Variants in SLC6A2 observed in about 807,000 individuals in gnomAD.
SLC6A2 encodes the protein sodium-dependent noradrenaline transporter.
A neutral mutation model predicts 71.7 loss-of-function variants in SLC6A2; 26 were observed. That is an observed-to-expected ratio of 0.36 (90% confidence interval 0.27 to 0.50). The LOEUF is 0.50. SLC6A2 is among the 20% of genes least tolerant of loss of function. SLC6A2 has a pLI of 0.96. For missense variants in SLC6A2, 581 were observed against 803.9 expected (o/e 0.72, Z 3.35); for synonymous variants, 363 against 337.9 (o/e 1.07, Z -0.82).
At chr16:55,668,506 C>T (rs1361887312) in intron 2 of SLC6A2, among the ~76,000 whole-genome samples, 1 of 152,138 alleles carries the variant, frequency 6.6e-6, no homozygotes, top group Non-Finnish European at 1.5e-5. Flanking sequence ...TAGCTAAAGG[C>T]CAGTGGTAAC....
intron 2 of SLC6A2, among the ~76,000 whole-genome samples, chr16:55,665,460 G>A (rs1203086640): frequency 6.6e-6 from 1 of 152,146 alleles, no homozygotes; most frequent in Non-Finnish European, 1.5e-5. Context: ...ACAGCCTGTA[G>A]CTGAGCTGTG....
Position 55,700,250 on chromosome 16 carries a change from C to T in SLC6A2, c.1702C>T (p.Leu568=). The T allele has an allele frequency of 1.9e-6, 3 of 1,614,078 alleles. No homozygotes were observed. Among genetic ancestry groups the T allele is most frequent in the African/African-American group, 1.3e-5 (1 of 75,016 alleles). ...GGGCATCGCCCTGTCCTCCATGGTC[C>T]TGGTGCCCATCTACGTCATCTATAA... ...GWGIALSSMV[L]VPIYVIYKFL... is the part of the protein sequence containing the mutation. Residue 568 remains leucine, a synonymous_variant, in exon 13 of 15, where the codon CTG becomes TTG. Transcript: ENST00000568943.
At chr16:55,678,738 A>T (rs1486864193) in intron 4 of SLC6A2, among the ~76,000 whole-genome samples, 4 of 152,224 alleles carry the variant, frequency 2.6e-5, no homozygotes, top group African/African-American at 9.6e-5. Flanking sequence ...CAAGTGAGAA[A>T]TTGAGCTTTT....
chr16:55,674,957 A>G (rs1965039271), intron 4 of SLC6A2, among the ~76,000 whole-genome samples: 1 of 152,162 alleles, frequency 6.6e-6, no homozygotes, highest in South Asian at 2.1e-4. Context: ...TAACTAATTT[A>G]CATTCCCACC....
chr16:55,692,349 G>A (rs1253921250), intron 6 of SLC6A2, among the ~76,000 whole-genome samples: 5 of 152,102 alleles, frequency 3.3e-5, no homozygotes, highest in African/African-American at 1.2e-4. Context: ...TGATGTCTTG[G>A]GACCTTGCTC....
intron 7 of SLC6A2, among the ~76,000 whole-genome samples, chr16:55,694,937 A>G (rs1965748018): frequency 6.6e-6 from 1 of 152,170 alleles, no homozygotes; most frequent in Admixed American, 6.5e-5. Flanking sequence ...GAAGATAAAT[A>G]TATAAGGAAG....
intron 5 of SLC6A2, among the ~76,000 whole-genome samples, chr16:55,689,536 C>T (rs145705719): frequency 2.0e-5 from 3 of 152,220 alleles, no homozygotes; most frequent in Non-Finnish European, 4.4e-5. Flanking sequence ...AGTGTAGTCT[C>T]ACCTGATTTG....
intron 4 of SLC6A2, among the ~76,000 whole-genome samples, chr16:55,681,399 T>G (rs1452659477): frequency 6.6e-6 from 1 of 152,128 alleles, no homozygotes; most frequent in East Asian, 1.9e-4. Context: ...AGAGCAGAGG[T>G]GCAGAGAGAG....
At chr16:55,672,475 G>C (rs1369412982) in intron 4 of SLC6A2, among the ~76,000 whole-genome samples, 1 of 152,186 alleles carries the variant, frequency 6.6e-6, no homozygotes, top group Non-Finnish European at 1.5e-5. Flanking sequence ...ACACTTTCTG[G>C]GGTATGTAAC....
intron 6 of SLC6A2, 44 bp downstream of exon 6, chr16:55,692,096 A>T (rs1965652332): frequency 6.2e-7 from 1 of 1,610,534 alleles, no homozygotes; most frequent in African/African-American, 1.3e-5. Context: ...GGCTTGTGGG[A>T]GGGTTTTCAG....
intron 3 of SLC6A2, among the ~76,000 whole-genome samples, chr16:55,671,405 CA>C (rs1964906575): frequency 6.6e-6 from 1 of 152,176 alleles, no homozygotes; most frequent in African/African-American, 2.4e-5. Context: ...AGCTCTCGGG[CA>C]AAGAGATGGC....
At chr16:55,661,859 C>A (rs1190077887) in intron 2 of SLC6A2, among the ~76,000 whole-genome samples, 5 of 152,226 alleles carry the variant, frequency 3.3e-5, no homozygotes, top group Non-Finnish European at 7.3e-5. Flanking sequence ...GACCCCCAGC[C>A]CTTTGGGAGC....
chr16:55,673,031 T>C (rs1254622789), intron 4 of SLC6A2, among the ~76,000 whole-genome samples: 1 of 152,236 alleles, frequency 6.6e-6, no homozygotes, highest in Non-Finnish European at 1.5e-5. Flanking sequence ...CAGACCTTAC[T>C]TGAATTTCAC....
At chr16:55,692,771 C>A (rs1306773333) in intron 6 of SLC6A2, among the ~76,000 whole-genome samples, 2 of 152,202 alleles carry the variant, frequency 1.3e-5, no homozygotes, top group Non-Finnish European at 2.9e-5. Flanking sequence ...ATAATCCTGG[C>A]AGGCCCCAGC....
chr16:55,662,758 A>G (rs1170351730), intron 2 of SLC6A2, among the ~76,000 whole-genome samples: 2 of 152,000 alleles, frequency 1.3e-5, no homozygotes, highest in African/African-American at 4.8e-5. Context: ...TTCCACCCCC[A>G]TTTTTCTACT....
chr16:55,702,142 G>A (rs527817670), intron 14 of SLC6A2, among the ~76,000 whole-genome samples, 181 bp from the exon 15 acceptor site: 1 of 152,346 alleles, frequency 6.6e-6, no homozygotes, highest in African/African-American at 2.4e-5. Context: ...CTTTGGGGAG[G>A]TTCTGCTGCC....
At chr16:55,657,127 A>G (rs1596936600) in intron 2 of SLC6A2, among the ~76,000 whole-genome samples, 159 bp downstream of exon 2, 2 of 148,284 alleles carry the variant, frequency 1.3e-5, no homozygotes, top group Admixed American at 1.3e-4. Context: ...AAAAAAAAAG[A>G]TTGGAGTCCT....
Position 55,693,902 on chromosome 16 carries a change from T to A in SLC6A2, c.919-108T>A. On this transcript the variant is annotated intron_variant, in intron 6 of 14. Transcript: ENST00000568943. ...TGCCCATCTCTGGTTCAGACCATGTTTCCTCTGGTCTCAGAGCATCCCCAG... is the reference window on the plus strand; with the variant it reads ...TGCCCATCTCTGGTTCAGACCATGTATCCTCTGGTCTCAGAGCATCCCCAG... 4 of 813,720 alleles carry A rather than the reference T, an allele frequency of 4.9e-6. No homozygotes were observed. The South Asian group carries it at 5.4e-5, about 11-fold the overall frequency. 50.4% of individuals were successfully genotyped at this position (813,720 alleles called of 1,614,324 possible).
At chr16:55,685,339 T>A (rs1965418985) in intron 5 of SLC6A2, 58 bp downstream of exon 5, 1 of 1,557,802 alleles carries the variant, frequency 6.4e-7, no homozygotes, top group Non-Finnish European at 8.9e-7. Context: ...GGGGGTGTGA[T>A]TATTTCTAGC....
Sources: allele counts gnomAD v4.1 joint callset (sites outside exome capture counted in the v4.1 genomes callset), GRCh38; gene constraint gnomAD v4.1.1; transcripts MANE v1.5; gene names NCBI Gene and HGNC (gene_info 2026-07-23, HGNC 2026-07-21).